Variants in ZNF740 observed in about 807,000 individuals in gnomAD.
ZNF740 encodes zinc finger protein 740.
In ZNF740, 14 loss-of-function variants were observed where a neutral mutation model predicts 24.8. The ratio of observed to expected loss-of-function variants is 0.56; its 90% CI spans 0.37 to 0.88. ZNF740 has a LOEUF of 0.88. Ranked by LOEUF, ZNF740 falls within the 40% of genes least tolerant of loss-of-function variation. The probability of loss-of-function intolerance (pLI) is 0.00; values close to 1 mark genes in which losing one functional copy is unlikely to be tolerated. For missense variants in ZNF740, 201 were observed against 247.9 expected (o/e 0.81, Z 1.27); for synonymous variants, 69 against 84.0 (o/e 0.82, Z 0.98).
At chr12:53,183,948 A>C (rs144712728) in intron 2 of ZNF740, among the ~76,000 whole-genome samples, 1 of 152,000 alleles carries the variant, frequency 6.6e-6, no homozygotes, top group East Asian at 1.9e-4. Flanking sequence ...CGCTTAAGCC[A>C]GGGAGGTCAA....
chr12:53,181,046 G>C (rs1284308680), intron 1 of ZNF740: 10 of 887,952 alleles, frequency 1.1e-5, no homozygotes, highest in Non-Finnish European at 1.4e-5. Flanking sequence ...CCCGGCCCGG[G>C]AGAGGGCTCT....
intron 6 of ZNF740, 148 bp from the exon 7 acceptor site, chr12:53,187,353 T>G: frequency 3.0e-6 from 2 of 676,050 alleles, no homozygotes; most frequent in Non-Finnish European, 5.2e-6. Flanking sequence ...CCTGAGAGCT[T>G]GGATTCTCCA....
In ZNF740 at chr12:53,194,455, C is replaced by G; in HGVS notation, c.*6865C>G. The G allele has an allele frequency of 9.5e-7, 1 of 1,054,876 alleles. No homozygotes were observed. The allele number at this position is 1,054,876 out of a possible 1,614,324, so 65.3% of individuals were successfully genotyped here. The stretch of plus-strand genomic sequence containing the variant: ...TCTGCCAGCACCCTGCCCTCTGCCA[C>G]CTGGGGCTCCTTCCATTCTGCCCAG... On this transcript the variant is annotated 3_prime_UTR_variant, in exon 7 of 7. Coordinates refer to ENST00000416904, the MANE Select transcript of ZNF740 (RefSeq NM_001004304.4).
intron 4 of ZNF740, among the ~76,000 whole-genome samples, chr12:53,185,685 T>C (rs1470387004): frequency 2.6e-5 from 4 of 152,152 alleles, no homozygotes; most frequent in Non-Finnish European, 5.9e-5. Flanking sequence ...TTGGGGAGCA[T>C]GAGATCCCAG....
chr12:53,194,581 C>G lies in ZNF740; in HGVS notation c.*6991C>G, dbSNP rs962841153. 6 of 459,178 alleles carry G rather than the reference C, an allele frequency of 1.3e-5. No homozygotes were observed. Among genetic ancestry groups the G allele is most frequent in the Non-Finnish European group, 2.0e-5 (5 of 249,786 alleles). 28.4% of individuals were successfully genotyped at this position (459,178 alleles called of 1,614,324 possible). Reference sequence around the variant, plus strand: ...ATTTCAGTGCAGCTGCCAGCAAGGGCCACTGAGGGTCACAGGCTGGCCAGG... The same window carrying G: ...ATTTCAGTGCAGCTGCCAGCAAGGGGCACTGAGGGTCACAGGCTGGCCAGG... On this transcript the variant is annotated 3_prime_UTR_variant, in exon 7 of 7. Coordinates refer to ENST00000416904, the MANE Select transcript of ZNF740 (RefSeq NM_001004304.4).
At chr12:53,184,829 T>C in intron 2 of ZNF740, 62 bp from the exon 3 acceptor site, 1 of 1,557,266 alleles carries the variant, frequency 6.4e-7, no homozygotes, top group Non-Finnish European at 8.7e-7. Flanking sequence ...CTATAGAGGA[T>C]GGCAGTCTGT....
rs1285603279 is a variant in ZNF740 at position 53,192,193 on chromosome 12, A to G, written c.*4603A>G. ...GGCCTTAGCCTCGTCCACTTGCTCA[A>G]TTGCCTCTGCCTTTGTCCTGGATTC... On this transcript the variant is annotated 3_prime_UTR_variant, in exon 7 of 7. Transcript: ENST00000416904. The G allele has an allele frequency of 8.3e-6, 10 of 1,206,748 alleles. No homozygotes were observed. The Admixed American group carries it at 1.3e-4, about 15-fold the overall frequency. 74.8% of individuals were successfully genotyped at this position (1,206,748 alleles called of 1,614,324 possible). A position where few individuals can be genotyped will look rare whatever the true frequency, so the allele number is the denominator to read the frequency against.
chr12:53,186,104 G>T (rs1169497090), intron 5 of ZNF740, 27 bp downstream of exon 5: 1 of 1,603,312 alleles, frequency 6.2e-7, no homozygotes. Context: ...TATTCAAAAG[G>T]GGGAGAATAG....
Position 53,189,951 on chromosome 12 carries a change from G to T in ZNF740, c.*2361G>T, listed in dbSNP as rs1427686565. 1 of 131,258 alleles carries T rather than the reference G, an allele frequency of 7.6e-6. No individual in the cohort carries two copies. The highest frequency in any genetic ancestry group is 2.9e-5 in the African/African-American group (1 of 34,616). 8.1% of individuals were successfully genotyped at this position (131,258 alleles called of 1,614,324 possible). ...TGTAAGTCTCACATGAGTGACCTGTGCCCCTATGTGTACTAATGTGTGTAC... is the reference window on the plus strand; with the variant it reads ...TGTAAGTCTCACATGAGTGACCTGTTCCCCTATGTGTACTAATGTGTGTAC... On this transcript the variant is annotated 3_prime_UTR_variant, in exon 7 of 7. Coordinates refer to ENST00000416904, the MANE Select transcript of ZNF740 (RefSeq NM_001004304.4).
chr12:53,192,618 A>G lies in ZNF740; in HGVS notation c.*5028A>G. 6.3e-7 allele frequency: 1 copy of G among 1,597,534 alleles called. No homozygotes were observed. The highest frequency in any genetic ancestry group is 8.6e-7 in the Non-Finnish European group (1 of 1,167,526). On this transcript the variant is annotated 3_prime_UTR_variant, in exon 7 of 7. Transcript: ENST00000416904. ...TTGCCCAACTACAAGCAGGACGGAG[A>G]GTAGGCAGATGGGAGTAGCTCAACA...
At position 53,187,664 on chromosome 12, in the gene ZNF740, C is replaced by T. The variant is rs1941850100; in HGVS notation, c.*74C>T. ...AGCACACCCCCTCTGGTCTGATGGT[C>T]CCACCACCGCCCCATGTGAACCTGT... On this transcript the variant is annotated 3_prime_UTR_variant, in exon 7 of 7. Coordinates refer to ENST00000416904, the MANE Select transcript of ZNF740 (RefSeq NM_001004304.4). 4 of 1,182,018 alleles carry T rather than the reference C, an allele frequency of 3.4e-6. No individual in the cohort carries two copies. Among genetic ancestry groups the T allele is most frequent in the Non-Finnish European group, 5.0e-6 (4 of 803,130 alleles). The allele number at this position is 1,182,018 out of a possible 1,614,324, so 73.2% of individuals were successfully genotyped here.
At position 53,193,632 on chromosome 12, in the gene ZNF740, A is replaced by T. The variant is rs1942050605; in HGVS notation, c.*6042A>T. On this transcript the variant is annotated 3_prime_UTR_variant, in exon 7 of 7. Transcript: ENST00000416904. The stretch of plus-strand genomic sequence containing the variant: ...AGGAGACTCCTGTGGGGGGGATGGA[A>T]AGCAGCGGAGGAATACGGGCCAGGG... The T allele has an allele frequency of 7.8e-7, 1 of 1,290,110 alleles. No individual in the cohort carries two copies. Among genetic ancestry groups the T allele is most frequent in the Non-Finnish European group, 1.1e-6 (1 of 934,804 alleles). 79.9% of individuals were successfully genotyped at this position (1,290,110 alleles called of 1,614,324 possible). A position where few individuals can be genotyped will look rare whatever the true frequency, so the allele number is the denominator to read the frequency against.
At position 53,188,455 on chromosome 12, in the gene ZNF740, A is replaced by G. The variant is rs1467596216; in HGVS notation, c.*865A>G. 1 of 152,584 alleles carries G rather than the reference A, an allele frequency of 6.6e-6. No homozygotes were observed. The highest frequency in any genetic ancestry group is 2.4e-5 in the African/African-American group (1 of 41,436). 9.5% of individuals were successfully genotyped at this position (152,584 alleles called of 1,614,324 possible). A position where few individuals can be genotyped will look rare whatever the true frequency, so the allele number is the denominator to read the frequency against. On this transcript the variant is annotated 3_prime_UTR_variant, in exon 7 of 7. Coordinates refer to ENST00000416904, the MANE Select transcript of ZNF740 (RefSeq NM_001004304.4). ...GATGGTATGTGGCTACCTCGCTGCCATTGACTCCTAAAGTGAGACAGATGT... is the reference window on the plus strand; with the variant it reads ...GATGGTATGTGGCTACCTCGCTGCCGTTGACTCCTAAAGTGAGACAGATGT...
At chr12:53,182,636 G>A (rs1941699070) in intron 2 of ZNF740, among the ~76,000 whole-genome samples, 1 of 152,126 alleles carries the variant, frequency 6.6e-6, no homozygotes, top group Non-Finnish European at 1.5e-5. Flanking sequence ...CGAGAAGGGT[G>A]TTTGGACAAA....
chr12:53,185,377 G>A lies in ZNF740; in HGVS notation c.160-10G>A. 2 of 1,613,736 alleles carry A rather than the reference G, an allele frequency of 1.2e-6. No homozygotes were observed. Among genetic ancestry groups the A allele is most frequent in the Non-Finnish European group, 1.7e-6 (2 of 1,179,754 alleles). On this transcript the variant is annotated splice_polypyrimidine_tract_variant and intron_variant, in intron 3 of 6. Coordinates refer to ENST00000416904, the MANE Select transcript of ZNF740 (RefSeq NM_001004304.4). ...TGGGCTATGAGTTTAGATTTGATTTGTCTTCAAAGGGTCACCGAAAAGACA... is the reference window on the plus strand; with the variant it reads ...TGGGCTATGAGTTTAGATTTGATTTATCTTCAAAGGGTCACCGAAAAGACA...
chr12:53,181,105 C>CT (rs1941601345), intron 1 of ZNF740: 1 of 950,566 alleles, frequency 1.1e-6, no homozygotes, highest in Non-Finnish European at 1.3e-6. Context: ...TCTCGGCACT[C>CT]TCCGGCTCTG....
At chr12:53,182,111 C>A in intron 2 of ZNF740, 119 bp downstream of exon 2, 2 of 1,389,082 alleles carry the variant, frequency 1.4e-6, no homozygotes, top group South Asian at 1.3e-5. Flanking sequence ...CTGTATTAAG[C>A]ACCAGGGGGA....
At position 53,184,920 on chromosome 12, in the gene ZNF740, A is replaced by G. The variant is rs1941793416; in HGVS notation, c.39A>G (p.Ala13=). 1 of 1,613,720 alleles carries G rather than the reference A, an allele frequency of 6.2e-7. No homozygotes were observed. The highest frequency in any genetic ancestry group is 1.3e-5 in the African/African-American group (1 of 74,932). The change falls in exon 3 of 7, where the codon GCA becomes GCG. Residue 13 remains alanine, a synonymous_variant. Transcript: ENST00000416904. ...QASLLACEGL[A]GVSLVPTAAS... ...GTCTCCTGGCTTGTGAAGGCCTAGC[A>G]GGTGTGAGTTTGGTTCCCACTGCAG...
At chr12:53,182,644 A>G (rs1941699347) in intron 2 of ZNF740, among the ~76,000 whole-genome samples, 1 of 152,152 alleles carries the variant, frequency 6.6e-6, no homozygotes, top group African/African-American at 2.4e-5. Flanking sequence ...GTGTTTGGAC[A>G]AAAGGAACAG....
Sources: gnomAD v4.1 joint callset for allele counts (sites outside exome capture counted in the v4.1 genomes callset) on GRCh38, gnomAD v4.1.1 for gene constraint, MANE v1.5 for transcripts, NCBI Gene and HGNC (gene_info 2026-07-23, HGNC 2026-07-21) for gene names.